Variants in CD8A observed in about 807,000 individuals in gnomAD.
CD8A encodes T-cell surface glycoprotein CD8 alpha chain.
In CD8A, 25 loss-of-function variants were observed where a neutral mutation model predicts 24.2. The ratio of observed to expected loss-of-function variants is 1.03; its 90% CI spans 0.75 to 1.44. The LOEUF (loss-of-function observed/expected upper bound fraction) is 1.44, where lower values mean the gene tolerates loss of function less well. Ranked by LOEUF, CD8A falls within the 40% of genes most tolerant of loss-of-function variation. CD8A has a pLI of 0.00. For missense variants in CD8A, 360 were observed against 319.7 expected, an observed-to-expected ratio of 1.13 and a Z score of -0.96; for synonymous variants, 165 against 149.9, an observed-to-expected ratio of 1.10 and a Z score of -0.74.
At chr2:86,789,107 G>C (rs1163342413) in intron 4 of CD8A, among the ~76,000 whole-genome samples, 5 of 152,158 alleles carry the variant, frequency 3.3e-5, no homozygotes, top group Non-Finnish European at 7.3e-5. Flanking sequence ...CTGGGAACGC[G>C]GCTTTGTCTC....
chr2:86,802,559 T>C (rs1164972519), intron 2 of CD8A, among the ~76,000 whole-genome samples: 1 of 152,204 alleles, frequency 6.6e-6, no homozygotes, highest in Non-Finnish European at 1.5e-5. Flanking sequence ...ATGCACCTAT[T>C]AAACTTTTAT....
chr2:86,789,624 C>T lies in CD8A; in HGVS notation c.514+16G>A, dbSNP rs1042547201. On this transcript the variant is annotated intron_variant, in intron 3 of 5. Transcript: ENST00000283635. ...CGGTGCGTGCCGCCCCCGCCCCGGG[C>T]CCCCGCACGCCTCACCTGCGCCCCC... The T allele has an allele frequency of 4.7e-6, 7 of 1,479,560 alleles. No homozygotes were observed. The highest frequency in any genetic ancestry group is 2.5e-5 in the East Asian group (1 of 40,222). The allele number at this position is 1,479,560 out of a possible 1,614,324, so 91.7% of individuals were successfully genotyped here.
rs571721085 is a variant in CD8A, at chr2:86,805,254, T to C, written c.-418+2193A>G. Among the ~76,000 whole-genome samples the C allele has an allele frequency of 2.0e-5, 3 of 152,334 alleles. No homozygotes were observed. The East Asian group carries it at 5.8e-4, about 29-fold the overall frequency. ...TGGGCTGGGTTTTGCTGTTATAAGC[T>C]AAACTACAATGGACATCCTTGTACA... On this transcript the variant is annotated intron_variant, in intron 2 of 8. Coordinates refer to the CD8A transcript ENST00000409511.
At chr2:86,787,629 T>TA (rs908855373) in intron 5 of CD8A, among the ~76,000 whole-genome samples, 6 of 151,996 alleles carry the variant, frequency 3.9e-5, no homozygotes, top group African/African-American at 9.7e-5. Flanking sequence ...AACTTAAAAT[T>TA]AAAAAAAATC....
intron 3 of CD8A, among the ~76,000 whole-genome samples, chr2:86,799,229 C>T (rs1421304335): frequency 1.3e-5 from 2 of 152,154 alleles, no homozygotes; most frequent in African/African-American, 4.8e-5. Flanking sequence ...TGTGTTTAGG[C>T]TTTGTGCTCG....
chr2:86,788,449 C>A, intron 5 of CD8A, 81 bp downstream of exon 5: 1 of 1,142,270 alleles, frequency 8.8e-7, no homozygotes, highest in East Asian at 2.4e-5. Flanking sequence ...GGGAAAAGTT[C>A]CCACTATTTG....
intron 5 of CD8A, among the ~76,000 whole-genome samples, chr2:86,787,929 T>G (rs1673090787): frequency 7.8e-6 from 1 of 128,266 alleles, no homozygotes; most frequent in Admixed American, 7.6e-5. Flanking sequence ...GTGTGTGTGA[T>G]CATGGGCTGA....
intron 3 of CD8A, among the ~76,000 whole-genome samples, chr2:86,801,253 A>G (rs989999321): frequency 2.0e-5 from 3 of 152,108 alleles, no homozygotes; most frequent in Non-Finnish European, 4.4e-5. Flanking sequence ...ATTTTTGATG[A>G]TAGATAACAT....
intron 4 of CD8A, among the ~76,000 whole-genome samples, chr2:86,789,084 C>A (rs1011446264): frequency 2.0e-5 from 3 of 152,228 alleles, no homozygotes; most frequent in Non-Finnish European, 4.4e-5. Context: ...GGAACACACC[C>A]GCTGCAGCGG....
intron 1 of CD8A, 28 bp from the exon 2 acceptor site, chr2:86,790,709 C>G (rs1264556578): frequency 1.3e-6 from 2 of 1,562,140 alleles, no homozygotes; most frequent in South Asian, 1.1e-5. Context: ...CGAGGCTGAG[C>G]CCGCAGTCCC....
chr2:86,805,451 T>C (rs10177148), intron 2 of CD8A, among the ~76,000 whole-genome samples: 3,321 of 152,318 alleles, frequency 0.022, 112 homozygotes, highest in East Asian at 0.12. Context: ...ACACCAGCTG[T>C]GGAGGAGTTT....
At chr2:86,786,871 T>A (rs1351107481) in intron 5 of CD8A, among the ~76,000 whole-genome samples, 8 of 151,264 alleles carry the variant, frequency 5.3e-5, no homozygotes, top group East Asian at 4.0e-4. Context: ...ATACAAAAAA[T>A]TAGCCGGGTG....
rs1553429919 is a variant in CD8A at position 86,785,789 on chromosome 2, C to T, written c.*131G>A. ...AAAGAAAAAGTAATCTTTCCCACCCCGCCCCCACTAAAATAATAATCATGA... is the reference window on the plus strand; with the variant it reads ...AAAGAAAAAGTAATCTTTCCCACCCTGCCCCCACTAAAATAATAATCATGA... On this transcript the variant is annotated 3_prime_UTR_variant, in exon 6 of 6. Coordinates refer to ENST00000283635, the MANE Select transcript of CD8A (RefSeq NM_001768.7). 4 of 812,752 alleles carry T rather than the reference C, an allele frequency of 4.9e-6. No homozygotes were observed. The highest frequency in any genetic ancestry group is 2.2e-4 in the Middle Eastern group (1 of 4,506). The allele number at this position is 812,752 out of a possible 1,614,324, so 50.3% of individuals were successfully genotyped here.
upstream of CD8A, among the ~76,000 whole-genome samples, chr2:86,794,931 T>G (rs1425218610): frequency 6.6e-6 from 1 of 152,174 alleles, no homozygotes; most frequent in Non-Finnish European, 1.5e-5. Flanking sequence ...AAGAATGTTC[T>G]CACCTCTGCT....
At position 86,790,896 on chromosome 2, in the gene CD8A, C is replaced by A. The variant is rs774961230; in HGVS notation, c.-71G>T. On this transcript the variant is annotated 5_prime_UTR_variant, in exon 1 of 6. Coordinates refer to ENST00000283635, the MANE Select transcript of CD8A (RefSeq NM_001768.7). ...GGGAGGCGCGCGGGAGCCGGTGGGGCGCCGAGGGGGGAAAGTTGCGCCCTT... is the reference window on the plus strand; with the variant it reads ...GGGAGGCGCGCGGGAGCCGGTGGGGAGCCGAGGGGGGAAAGTTGCGCCCTT... The A allele has an allele frequency of 2.5e-5, 36 of 1,431,072 alleles. No homozygotes were observed. In the South Asian group the frequency reaches 4.1e-4, roughly 16 times the overall value. 88.6% of individuals were successfully genotyped at this position (1,431,072 alleles called of 1,614,324 possible).
rs369993109 is a variant in CD8A, at chr2:86,787,898, A to AGAGAGAGTGTGTGTGTGTGTGT, written c.656+631_656+632insACACACACACACACACTCTCTC. On this transcript the variant is annotated intron_variant, in intron 5 of 5. Coordinates refer to ENST00000283635, the MANE Select transcript of CD8A (RefSeq NM_001768.7). ...TTAACAGAGAGGGAGAGAGAGAGAG[A>AGAGAGAGTGTGTGTGTGTGTGT]GTGTGTGTGTGTGTGTGTGTGTGTG... is the stretch of plus-strand genomic sequence containing the variant. 7.5e-3 allele frequency among the ~76,000 whole-genome samples: 1,091 copies of AGAGAGAGTGTGTGTGTGTGTGT among 144,518 alleles called. 6 individuals are homozygous for AGAGAGAGTGTGTGTGTGTGTGT. Among genetic ancestry groups the AGAGAGAGTGTGTGTGTGTGTGT allele is most frequent in the Non-Finnish European group, 0.011 (726 of 65,758 alleles). 94.8% of individuals were successfully genotyped at this position (144,518 alleles called of 152,430 possible).
At chr2:86,800,538 T>C (rs916456253) in intron 3 of CD8A, among the ~76,000 whole-genome samples, 18 of 152,160 alleles carry the variant, frequency 1.2e-4, no homozygotes, top group Non-Finnish European at 1.5e-4. Context: ...TTAAAAATAT[T>C]TCTAATACCC....
rs1672919647 is a variant in CD8A at position 86,784,613 on chromosome 2, T to C, written c.*1307A>G. On this transcript the variant is annotated 3_prime_UTR_variant, in exon 6 of 6. Transcript: ENST00000283635. ...TGATGGCACAACCAAAATCGGATGC[T>C]GTTTACCCATTAAAGAGGATGCTAC... The C allele has an allele frequency of 5.5e-6, 2 of 366,492 alleles. No homozygotes were observed. Among genetic ancestry groups the C allele is most frequent in the African/African-American group, 2.1e-5 (1 of 47,104 alleles). 22.7% of individuals were successfully genotyped at this position (366,492 alleles called of 1,614,324 possible).
At chr2:86,787,900 T>TGA (rs1558734021) in intron 5 of CD8A, among the ~76,000 whole-genome samples, 16 of 45,536 alleles carry the variant, frequency 3.5e-4, no homozygotes, top group African/African-American at 7.9e-4. Flanking sequence ...AGAGAGAGAG[T>TGA]GTGTGTGTGT....
Sources: allele counts gnomAD v4.1 joint callset (sites outside exome capture counted in the v4.1 genomes callset), GRCh38; gene constraint gnomAD v4.1.1; transcripts MANE v1.5; gene names NCBI Gene and HGNC (gene_info 2026-07-23, HGNC 2026-07-21).